The following ELOVL7 variants were observed in gnomAD, a reference collection of about 807,000 sequenced individuals.
The protein encoded by ELOVL7 is very long chain fatty acid elongase 7.
A neutral mutation model predicts 35.7 loss-of-function variants in ELOVL7; 27 were observed. The observed-to-expected ratio is 0.76, with a 90% CI of 0.56 to 1.04. ELOVL7 has a LOEUF of 1.04. Among genes scored for constraint, ELOVL7 ranks in the 50% least tolerant of loss-of-function variants. The pLI, the probability that ELOVL7 is intolerant of heterozygous loss-of-function variation, is 0.00. For synonymous variants in ELOVL7, 113 were observed against 114.6 expected (o/e 0.99, Z 0.09); for missense variants, 327 against 340.8 (o/e 0.96, Z 0.32).
At chr5:60,816,408 A>T (rs1745521426) in intron 1 of ELOVL7, among the ~76,000 whole-genome samples, 1 of 151,704 alleles carries the variant, frequency 6.6e-6, no homozygotes, top group Non-Finnish European at 1.5e-5. Flanking sequence ...TATAGGGAGG[A>T]TTAATTGGTT....
chr5:60,801,755 G>A (rs1177442275), intron 1 of ELOVL7, among the ~76,000 whole-genome samples: 5 of 150,594 alleles, frequency 3.3e-5, no homozygotes, highest in African/African-American at 1.2e-4. Flanking sequence ...CAGAAGGAAG[G>A]ATAAGCAGCT....
chr5:60,838,701 CTT>C (rs1325030898), intron 1 of ELOVL7, among the ~76,000 whole-genome samples: 3 of 152,142 alleles, frequency 2.0e-5, no homozygotes, highest in Non-Finnish European at 4.4e-5. Context: ...TATGTGGAAA[CTT>C]ATCTCATTTG....
At chr5:60,817,561 G>GTGTATATATATGTGTATATATATA (rs1367503425) in intron 1 of ELOVL7, among the ~76,000 whole-genome samples, 7 of 147,968 alleles carry the variant, frequency 4.7e-5, no homozygotes, top group African/African-American at 9.9e-5. Context: ...TGGTGTGTGT[G>GTGTATATATATGTGTATATATATA]TGTATATATA....
chr5:60,785,090 G>T (rs1467334686), intron 3 of ELOVL7, among the ~76,000 whole-genome samples: 1 of 152,046 alleles, frequency 6.6e-6, no homozygotes, highest in African/African-American at 2.4e-5. Flanking sequence ...CATCCAGCTG[G>T]GCTACAGCAG....
At chr5:60,781,516 CA>C (rs1425200894) in intron 3 of ELOVL7, among the ~76,000 whole-genome samples, 5 of 152,002 alleles carry the variant, frequency 3.3e-5, no homozygotes, top group African/African-American at 1.2e-4. Flanking sequence ...AGAAAGAAAA[CA>C]AGCCAGGAAA....
intron 4 of ELOVL7, among the ~76,000 whole-genome samples, chr5:60,769,404 C>T (rs1212859789): frequency 1.3e-5 from 2 of 152,206 alleles, no homozygotes; most frequent in Non-Finnish European, 2.9e-5. Context: ...AGTTGTGAGA[C>T]TTGGCCTTCT....
chr5:60,760,061 C>T (rs1312507700), intron 7 of ELOVL7, among the ~76,000 whole-genome samples: 1 of 152,094 alleles, frequency 6.6e-6, no homozygotes, highest in Non-Finnish European at 1.5e-5. Flanking sequence ...GGGTTGGTTC[C>T]AAGTCTTTGT....
At chr5:60,814,695 C>G (rs1328272156) in intron 1 of ELOVL7, among the ~76,000 whole-genome samples, 1 of 152,174 alleles carries the variant, frequency 6.6e-6, no homozygotes, top group African/African-American at 2.4e-5. Flanking sequence ...CCAGATCACA[C>G]AGTTACTAAG....
chr5:60,834,235 A>G (rs956904958), intron 1 of ELOVL7, among the ~76,000 whole-genome samples: 6 of 151,800 alleles, frequency 4.0e-5, no homozygotes, highest in African/African-American at 4.8e-5. Flanking sequence ...TCTGCCTCCC[A>G]GGTTCACACC....
intron 4 of ELOVL7, among the ~76,000 whole-genome samples, chr5:60,771,038 G>A (rs1347411699): frequency 1.3e-5 from 2 of 152,174 alleles, no homozygotes; most frequent in African/African-American, 4.8e-5. Context: ...TGATGGATCT[G>A]TAGCAAGAGT....
rs1743667665 is a variant in ELOVL7, at chr5:60,787,412, A to G, written c.-15T>C. 6.3e-7 allele frequency: 1 copy of G among 1,583,254 alleles called. No homozygotes were observed. The highest frequency in any genetic ancestry group is 8.6e-7 in the Non-Finnish European group (1 of 1,167,916). ...CTGAAGGCCATTTTCCACAGGATTTACTGGCTCTTTTAATGGGTTCTTCAG... is the reference window on the plus strand; with the variant it reads ...CTGAAGGCCATTTTCCACAGGATTTGCTGGCTCTTTTAATGGGTTCTTCAG... On this transcript the variant is annotated 5_prime_UTR_variant, in exon 3 of 9. Transcript: ENST00000508821.
chr5:60,783,502 G>C (rs573348533), intron 3 of ELOVL7, among the ~76,000 whole-genome samples: 19 of 152,250 alleles, frequency 1.2e-4, no homozygotes, highest in Admixed American at 5.2e-4. Context: ...ATGTTACAGG[G>C]AGTATCAATG....
At chr5:60,761,071 G>T (rs1002149966) in intron 7 of ELOVL7, among the ~76,000 whole-genome samples, 1 of 152,000 alleles carries the variant, frequency 6.6e-6, no homozygotes, top group Non-Finnish European at 1.5e-5. Context: ...AATTAATAAT[G>T]TTTTTTGTAT....
chr5:60,843,623 A>G (rs1561482920), intron 1 of ELOVL7: 1 of 152,280 alleles, frequency 6.6e-6, no homozygotes, highest in Non-Finnish European at 1.5e-5. Context: ...AAACAGAAAG[A>G]AAGGGGCTCC....
At chr5:60,787,615 G>A (rs915850948) in intron 2 of ELOVL7, 184 bp from the exon 3 acceptor site, 41 of 435,560 alleles carry the variant, frequency 9.4e-5, no homozygotes, top group Admixed American at 1.8e-4. Context: ...CAGACATTTC[G>A]GGTTTTCCAT....
At chr5:60,770,984 G>A (rs1199468871) in intron 4 of ELOVL7, among the ~76,000 whole-genome samples, 2 of 152,164 alleles carry the variant, frequency 1.3e-5, no homozygotes, top group African/African-American at 2.4e-5. Flanking sequence ...ACAGGTGTAG[G>A]CCACCACACC....
intron 7 of ELOVL7, among the ~76,000 whole-genome samples, chr5:60,758,394 CA>C (rs1237550291): frequency 6.6e-6 from 1 of 152,138 alleles, no homozygotes; most frequent in African/African-American, 2.4e-5. Context: ...TCATTGTGTG[CA>C]ATCAAATTTA....
intron 1 of ELOVL7, among the ~76,000 whole-genome samples, chr5:60,812,160 C>T (rs904536560): frequency 6.6e-6 from 1 of 152,216 alleles, no homozygotes; most frequent in African/African-American, 2.4e-5. Flanking sequence ...TTTGAGGTTA[C>T]AGTGAGCAAT....
intron 2 of ELOVL7, among the ~76,000 whole-genome samples, chr5:60,791,490 C>G (rs1743934366): frequency 6.6e-6 from 1 of 152,060 alleles, no homozygotes; most frequent in Admixed American, 6.6e-5. Flanking sequence ...CACACTATAC[C>G]CTTGTAAGAA....
Sources: allele counts gnomAD v4.1 joint callset (sites outside exome capture counted in the v4.1 genomes callset), GRCh38; gene constraint gnomAD v4.1.1; transcripts MANE v1.5; gene names NCBI Gene and HGNC (gene_info 2026-07-23, HGNC 2026-07-21).